FLT3LG: variants seen among roughly 807,000 people sequenced by gnomAD.
The protein encoded by FLT3LG is fms-related tyrosine kinase 3 ligand.
Under a neutral mutation model 30.9 loss-of-function variants are expected in FLT3LG, and 8 were observed. That is an observed-to-expected ratio of 0.26 (90% CI 0.15 to 0.47). FLT3LG has a LOEUF of 0.47. FLT3LG is among the 20% of genes least tolerant of loss of function. The probability of loss-of-function intolerance (pLI) is 0.99; values close to 1 mark genes in which losing one functional copy is unlikely to be tolerated. For missense variants in FLT3LG, 278 were observed against 306.2 expected, an observed-to-expected ratio of 0.91 and a Z score of 0.69; for synonymous variants, 123 against 135.9, an observed-to-expected ratio of 0.91 and a Z score of 0.66.
At position 49,482,916 on chromosome 19, in the gene FLT3LG, C is replaced by T. The variant is rs970074496; in HGVS notation, c.*21+2296C>T. On this transcript the variant is annotated intron_variant, in intron 8 of 8. Coordinates refer to ENST00000597551, the MANE Select transcript of FLT3LG (RefSeq NM_001459.4). ...TGCTGGGATTACAGGCGTGAGCCAC[C>T]GCGCCCGGGGTCACAGTTTTTAAAA... is the stretch of plus-strand genomic sequence containing the variant. 6.6e-5 allele frequency among the ~76,000 whole-genome samples: 10 copies of T among 152,010 alleles called. No individual in the cohort carries two copies. The East Asian group carries it at 9.7e-4, about 15-fold the overall frequency.
At chr19:49,482,603 G>A (rs2079651360) in intron 8 of FLT3LG, among the ~76,000 whole-genome samples, 3 of 151,654 alleles carry the variant, frequency 2.0e-5, no homozygotes, top group Admixed American at 1.3e-4. Flanking sequence ...CCACCTGTGC[G>A]ATTTTCACTT....
At chr19:49,485,618 G>A (rs1037623746) in intron 8 of FLT3LG, among the ~76,000 whole-genome samples, 5 of 152,194 alleles carry the variant, frequency 3.3e-5, no homozygotes, top group Admixed American at 3.3e-4. Context: ...CCAACCTCAG[G>A]TGATCCGCCC....
chr19:49,478,866 G>C (rs763513799), intron 5 of FLT3LG, 43 bp from the exon 6 acceptor site: 21 of 1,464,238 alleles, frequency 1.4e-5, no homozygotes, highest in Non-Finnish European at 1.8e-5. Context: ...GAGGGGCGGT[G>C]GGGGGATGAC....
chr19:49,478,726 C>T (rs1002973786), intron 5 of FLT3LG, among the ~76,000 whole-genome samples, 183 bp from the exon 6 acceptor site: 2 of 151,982 alleles, frequency 1.3e-5, no homozygotes, highest in Non-Finnish European at 2.9e-5. Context: ...TTCACCACTC[C>T]AGCCTGGGCA....
At chr19:49,479,079 C>T in intron 6 of FLT3LG, 32 bp downstream of exon 6, 2 of 1,585,344 alleles carry the variant, frequency 1.3e-6, no homozygotes, top group Non-Finnish European at 8.6e-7. Flanking sequence ...CACTCCTTCC[C>T]CTCCTGTCCT....
chr19:49,484,982 A>T (rs571335510), intron 8 of FLT3LG, among the ~76,000 whole-genome samples: 17 of 152,074 alleles, frequency 1.1e-4, no homozygotes, highest in African/African-American at 4.1e-4. Context: ...CTAACTCAGG[A>T]GGCTGAGGCA....
chr19:49,478,053 A>G (rs1335009799), intron 5 of FLT3LG, among the ~76,000 whole-genome samples: 1 of 150,474 alleles, frequency 6.6e-6, no homozygotes, highest in Non-Finnish European at 1.5e-5. Context: ...CAAAAAATAA[A>G]TAAATAATAA....
intron 7 of FLT3LG, 37 bp from the exon 8 acceptor site, chr19:49,480,515 G>A (rs1352566759): frequency 6.2e-7 from 1 of 1,608,108 alleles, no homozygotes; most frequent in African/African-American, 1.3e-5. Context: ...GGGCCGAGAG[G>A]GTGGCCCACT....
chr19:49,484,589 C>A (rs908538812), intron 8 of FLT3LG, among the ~76,000 whole-genome samples: 3 of 151,950 alleles, frequency 2.0e-5, no homozygotes, highest in Admixed American at 1.3e-4. Context: ...ATCTGCCTCC[C>A]GGGTTCAAGC....
At chr19:49,474,736 A>C (rs2122464198) in intron 2 of FLT3LG, 64 bp downstream of exon 2, 1 of 1,524,878 alleles carries the variant, frequency 6.6e-7, no homozygotes, top group Admixed American at 1.8e-5. Context: ...TGGGGCAGAG[A>C]TGAGGGGAGA....
At chr19:49,480,733 C>T (rs1055352122) in intron 8 of FLT3LG, 113 bp downstream of exon 8, 9 of 1,145,104 alleles carry the variant, frequency 7.9e-6, no homozygotes, top group East Asian at 5.2e-5. Context: ...GCTCTAGGTG[C>T]AGAAAGACCC....
rs1719434265 is a variant in FLT3LG, at chr19:49,486,088, T to G, written c.*95T>G. Reference sequence around the variant, plus strand: ...TAGCCTGGACACAGAGGAAGTTGGCTAGAGGCCGGTCCCTTCCTTGGGCCC... The same window carrying G: ...TAGCCTGGACACAGAGGAAGTTGGCGAGAGGCCGGTCCCTTCCTTGGGCCC... On this transcript the variant is annotated 3_prime_UTR_variant, in exon 9 of 9. Transcript: ENST00000597551. 2.0e-5 allele frequency: 3 copies of G among 152,590 alleles called. No homozygotes were observed. The Admixed American group carries it at 2.0e-4, about 10-fold the overall frequency. 9.5% of individuals were successfully genotyped at this position (152,590 alleles called of 1,614,324 possible). A position where few individuals can be genotyped will look rare whatever the true frequency, so the allele number is the denominator to read the frequency against.
In FLT3LG at chr19:49,486,227, T is replaced by C. The variant is rs1294672689; in HGVS notation, c.*234T>C. On this transcript the variant is annotated 3_prime_UTR_variant, in exon 9 of 9. Transcript: ENST00000597551. ...AAATTGTATATAAATCATCCTTTTC[T>C]ACCAGCTCTGGCCAGGTCTGTCTAT... is the stretch of plus-strand genomic sequence containing the variant. 6.5e-6 allele frequency: 1 copy of C among 152,706 alleles called. No individual in the cohort carries two copies. Among genetic ancestry groups the C allele is most frequent in the East Asian group, 1.9e-4 (1 of 5,206 alleles). The allele number at this position is 152,706 out of a possible 1,614,324, so 9.5% of individuals were successfully genotyped here.
chr19:49,485,248 CTTTTTTT>C (rs55877586), intron 8 of FLT3LG, among the ~76,000 whole-genome samples: 4 of 121,848 alleles, frequency 3.3e-5, no homozygotes, highest in East Asian at 4.5e-4. Flanking sequence ...TCTTTTTTTT[CTTTTTTT>C]TTTTTTTTTT....
At chr19:49,483,534 C>T (rs909663580) in intron 8 of FLT3LG, among the ~76,000 whole-genome samples, 2 of 151,954 alleles carry the variant, frequency 1.3e-5, no homozygotes, top group Admixed American at 1.3e-4. Flanking sequence ...CCAGCCTGGG[C>T]CACATGGTGA....
chr19:49,480,656 T>C, intron 8 of FLT3LG, 36 bp downstream of exon 8: 1 of 1,571,106 alleles, frequency 6.4e-7, no homozygotes, highest in Non-Finnish European at 8.6e-7. Flanking sequence ...CTGGACTTTG[T>C]GTCTGCAGGT....
Position 49,485,367 on chromosome 19 carries a change from A to G in FLT3LG, c.*22-648A>G, listed in dbSNP as rs905057779. Among the ~76,000 whole-genome samples the G allele has an allele frequency of 6.7e-5, 10 of 150,112 alleles. No homozygotes were observed. In the South Asian group the frequency reaches 8.3e-4, roughly 13 times the overall value. On this transcript the variant is annotated intron_variant, in intron 8 of 8. Transcript: ENST00000597551. ...CAGGTTCAAGCGATTCTCCTGCCTC[A>G]GCCTCCCAAGTAGCTGGGATTACAG...
chr19:49,476,263 G>A lies in FLT3LG; in HGVS notation c.198+65G>A. 6.8e-7 allele frequency: 1 copy of A among 1,476,824 alleles called. No homozygotes were observed. Among genetic ancestry groups the A allele is most frequent in the Non-Finnish European group, 9.4e-7 (1 of 1,061,260 alleles). The allele number at this position is 1,476,824 out of a possible 1,614,324, so 91.5% of individuals were successfully genotyped here. On this transcript the variant is annotated intron_variant, in intron 4 of 8. Transcript: ENST00000597551. The surrounding 1 kb of genome is among the most constrained non-coding windows in gnomAD (Gnocchi z 5.3). ...CCACAGACTCAAGATGCTCCACCGA[G>A]GCGAGTGGATAACCAGGCCCTCCCC...
rs1490523236 is a variant in FLT3LG, at chr19:49,480,459, C to G, written c.643C>G (p.Pro215Ala). The G allele has an allele frequency of 5.0e-6, 8 of 1,588,612 alleles. No individual in the cohort carries two copies. Among genetic ancestry groups the G allele is most frequent in the Non-Finnish European group, 6.8e-6 (8 of 1,167,960 alleles). The change falls in exon 7 of 9, where the codon CCC becomes GCC. Residue 215 changes from proline to alanine, a missense_variant. This residue lies in a region of FLT3LG where 170 missense variants were observed against 162.0 expected (regional missense o/e 1.05). Coordinates refer to ENST00000597551, the MANE Select transcript of FLT3LG (RefSeq NM_001459.4). The stretch of plus-strand genomic sequence containing the variant: ...CTGGCAGAGGACGCGGCGGAGGACA[C>G]CCCGCCCTGGGGAGCAGGTGAGCAG... ...LHWQRTRRRTPRPGEQVPPVP... is the reference protein window; with the variant it reads ...LHWQRTRRRTARPGEQVPPVP...
Sources: allele counts gnomAD v4.1 joint callset (sites outside exome capture counted in the v4.1 genomes callset), GRCh38; gene constraint gnomAD v4.1.1; regional missense constraint gnomAD v4.1.1; non-coding constraint Gnocchi (gnomAD v3.1); transcripts MANE v1.5; gene names NCBI Gene and HGNC (gene_info 2026-07-23, HGNC 2026-07-21).